DYSF: variants seen among roughly 807,000 people sequenced by gnomAD.
DYSF encodes dystrophy-associated fer-1-like 1.
DYSF carries 212 observed loss-of-function variants against 274.9 expected under a neutral mutation model. That is an observed-to-expected ratio of 0.77 (90% confidence interval 0.69 to 0.86). DYSF has a LOEUF of 0.86. DYSF is among the 40% of genes least tolerant of loss of function. The pLI is 0.00. For missense variants in DYSF, 2,666 were observed against 2,783.2 expected (o/e 0.96, Z 0.95); for synonymous variants, 1,091 against 1,078.7 (o/e 1.01, Z -0.22).
chr2:71,584,936 A>C (rs2093016260), intron 30 of DYSF, among the ~76,000 whole-genome samples: 1 of 152,246 alleles, frequency 6.6e-6, no homozygotes, highest in Non-Finnish European at 1.5e-5. Context: ...AGAAATTTAC[A>C]GAAGGCCAGA....
At chr2:71,527,745 A>C (rs985355735) in intron 13 of DYSF, among the ~76,000 whole-genome samples, 1 of 152,112 alleles carries the variant, frequency 6.6e-6, no homozygotes, top group African/African-American at 2.4e-5. Context: ...CTTTATACAC[A>C]TATGTATGTG....
At chr2:71,547,748 G>A (rs2152780939) in intron 17 of DYSF, among the ~76,000 whole-genome samples, 1 of 152,338 alleles carries the variant, frequency 6.6e-6, no homozygotes, top group Admixed American at 6.5e-5. Context: ...AGCCACCAGA[G>A]CCATGTGTTG....
Position 71,669,148 on chromosome 2 carries a change from T to C in DYSF, c.5583T>C (p.Asp1861=), listed in dbSNP as rs757377603. 6.2e-7 allele frequency: 1 copy of C among 1,610,054 alleles called. No homozygotes were observed. Among genetic ancestry groups the C allele is most frequent in the Non-Finnish European group, 8.5e-7 (1 of 1,178,284 alleles). ...GTTGTATTATCTGGAATACCAGAGATGTGATCCTGGATGACCTGAGCCTCA... is the reference window on the plus strand; with the variant it reads ...GTTGTATTATCTGGAATACCAGAGACGTGATCCTGGATGACCTGAGCCTCA... ...FLRCIIWNTR[D]VILDDLSLTG... The change falls in exon 50 of 56, where the codon GAT becomes GAC. Residue 1861 remains aspartate, a synonymous_variant. Coordinates refer to ENST00000410020, the MANE Select transcript of DYSF (RefSeq NM_001130987.2).
At chr2:71,562,310 C>T (rs1171582085) in intron 23 of DYSF, among the ~76,000 whole-genome samples, 1 of 152,186 alleles carries the variant, frequency 6.6e-6, no homozygotes, top group African/African-American at 2.4e-5. Flanking sequence ...TACTTCCTGC[C>T]AGCCAGTGCC....
intron 42 of DYSF, among the ~76,000 whole-genome samples, chr2:71,652,782 G>A (rs1553406352): frequency 6.6e-6 from 1 of 152,142 alleles, no homozygotes; most frequent in Non-Finnish European, 1.5e-5. Context: ...TGGTATTGGT[G>A]AAAAAACGCA....
chr2:71,514,034 G>A, intron 7 of DYSF, 113 bp downstream of exon 7: 1 of 1,272,690 alleles, frequency 7.9e-7, no homozygotes, highest in Non-Finnish European at 1.1e-6. Flanking sequence ...GGATCCTCAG[G>A]GCCCTCCTGT....
In DYSF at chr2:71,556,048, G is replaced by T; in HGVS notation, c.2193G>T (p.Thr731=). Residue 731 remains threonine (T), a synonymous_variant, in exon 22 of 56, where the codon ACG becomes ACT. Coordinates refer to ENST00000410020, the MANE Select transcript of DYSF (RefSeq NM_001130987.2). The part of the protein sequence containing the change: ...EDVDSLVAQL[T]DELIAGCSQP... The stretch of plus-strand genomic sequence containing the variant: ...TGGACTCGCTGGTGGCTCAGCTGAC[G>T]GATGAGCTCATCGCAGGCTGCAGGT... 2 of 1,576,146 alleles carry T rather than the reference G, an allele frequency of 1.3e-6. No individual in the cohort carries two copies. The highest frequency in any genetic ancestry group is 1.7e-6 in the Non-Finnish European group (2 of 1,161,658).
At chr2:71,668,911 G>C in intron 49 of DYSF, 69 bp downstream of exon 49, 1 of 1,519,180 alleles carries the variant, frequency 6.6e-7, no homozygotes, top group Non-Finnish European at 9.0e-7. Context: ...CTGTGGGCGG[G>C]ACTAGGCGGT....
intron 2 of DYSF, 141 bp from the exon 3 acceptor site, chr2:71,481,738 C>T (rs887575665): frequency 1.8e-5 from 12 of 663,868 alleles, no homozygotes; most frequent in Admixed American, 5.0e-5. Flanking sequence ...ATGCTTCCAT[C>T]CATCCATTGA....
rs114635810 is a variant in DYSF at position 71,497,714 on chromosome 2, C to A, written c.240-5500C>A. ...GGCCCAATAATGAGATGAAGATGAA[C>A]TGGGAAAGAAGAGAGTTTATTTCTG... On this transcript the variant is annotated intron_variant, in intron 3 of 55. Transcript: ENST00000410020. Among the ~76,000 whole-genome samples the A allele has an allele frequency of 6.8e-3, 1,040 of 152,266 alleles. 8 individuals are homozygous for A. Among genetic ancestry groups the A allele is most frequent in the Middle Eastern group, 0.017 (5 of 294 alleles).
rs1024402241 is a variant in DYSF, at chr2:71,553,247, C to A, written c.1984+59C>A. 4.4e-6 allele frequency: 7 copies of A among 1,608,166 alleles called. No homozygotes were observed. The Admixed American group carries it at 6.7e-5, about 15-fold the overall frequency. Reference sequence around the variant, plus strand: ...CAGGATCATAGAGCAGGGGGCCACACCTTAAATCCCGCCTCCCATGGAAAG... The same window carrying A: ...CAGGATCATAGAGCAGGGGGCCACAACTTAAATCCCGCCTCCCATGGAAAG... On this transcript the variant is annotated intron_variant, in intron 20 of 55. Coordinates refer to ENST00000410020, the MANE Select transcript of DYSF (RefSeq NM_001130987.2).
At chr2:71,592,794 C>G (rs11899299) in intron 32 of DYSF, among the ~76,000 whole-genome samples, 1,806 of 152,322 alleles carry the variant, frequency 0.012, 36 homozygotes, top group African/African-American at 0.041. Flanking sequence ...CTTTGCTTCT[C>G]TCTATATGGT....
At chr2:71,614,969 C>G (rs1490711486) in intron 40 of DYSF, among the ~76,000 whole-genome samples, 1 of 152,166 alleles carries the variant, frequency 6.6e-6, no homozygotes, top group African/African-American at 2.4e-5. Context: ...GCCCCAAACT[C>G]TGGCTGCCTG....
At chr2:71,644,384 G>A (rs1016427971) in intron 42 of DYSF, among the ~76,000 whole-genome samples, 8 of 152,168 alleles carry the variant, frequency 5.3e-5, no homozygotes, top group Non-Finnish European at 7.3e-5. Context: ...CCCCCTCACC[G>A]ATTTTCAAAA....
chr2:71,575,444 A>T (rs2152824764), intron 30 of DYSF, among the ~76,000 whole-genome samples: 1 of 152,144 alleles, frequency 6.6e-6, no homozygotes, highest in Admixed American at 6.5e-5. Flanking sequence ...CTGAGGGGAG[A>T]TAGCAGAGCT....
At chr2:71,652,937 A>G (rs960292427) in intron 42 of DYSF, among the ~76,000 whole-genome samples, 2 of 152,234 alleles carry the variant, frequency 1.3e-5, no homozygotes, top group Non-Finnish European at 2.9e-5. Context: ...CAAAAAATAA[A>G]TTAAATTCTT....
chr2:71,598,819 C>T (rs1188952023), intron 33 of DYSF, 74 bp downstream of exon 33: 16 of 1,563,950 alleles, frequency 1.0e-5, no homozygotes, highest in South Asian at 2.3e-5. Context: ...TCCAGGGACT[C>T]GTGGCTGCCC....
chr2:71,608,264 G>T (rs146293241), intron 36 of DYSF, among the ~76,000 whole-genome samples: 2 of 142,078 alleles, frequency 1.4e-5, no homozygotes, highest in East Asian at 3.9e-4. Flanking sequence ...AGAGGAGGGC[G>T]CGGGTGGATT....
At chr2:71,598,978 G>A (rs1331372942) in intron 33 of DYSF, among the ~76,000 whole-genome samples, 1 of 152,254 alleles carries the variant, frequency 6.6e-6, no homozygotes, top group Admixed American at 6.5e-5. Flanking sequence ...AAGGCGCTTG[G>A]TTGTGGGTCA....
Sources: gnomAD v4.1 joint callset for allele counts (sites outside exome capture counted in the v4.1 genomes callset) on GRCh38, gnomAD v4.1.1 for gene constraint, MANE v1.5 for transcripts, NCBI Gene and HGNC (gene_info 2026-07-23, HGNC 2026-07-21) for gene names.